Variants in FAAH2 observed in about 807,000 individuals in gnomAD.
FAAH2 encodes fatty acid amide hydrolase 2.
A neutral mutation model predicts 36.9 loss-of-function variants in FAAH2; 60 were observed. The ratio of observed to expected loss-of-function variants is 1.63; its 90% CI spans 1.32 to 2.02. The LOEUF is 2.02. Ranked by LOEUF, FAAH2 falls within the 30% of genes most tolerant of loss-of-function variation. The pLI, the probability that FAAH2 is intolerant of heterozygous loss-of-function variation, is 0.00. For synonymous variants in FAAH2, 214 were observed against 143.8 expected (o/e 1.49, Z -3.49); for missense variants, 689 against 397.5 (o/e 1.73, Z -6.23).
At chrX:57,353,690 T>C (rs1403250466) in intron 5 of FAAH2, among the ~76,000 whole-genome samples, 3 of 110,819 alleles carry the variant, frequency 2.7e-5, no homozygotes, top group Non-Finnish European at 3.8e-5. Context: ...TGGAAGAAAG[T>C]ATTTGCAAAT....
Position 57,468,860 on chromosome X carries a change from T to C in FAAH2, c.1424-19897T>C, listed in dbSNP as rs779828208. 6.3e-5 allele frequency among the ~76,000 whole-genome samples: 7 copies of C among 111,654 alleles called. No homozygotes were observed. In the Admixed American group the frequency reaches 6.7e-4, roughly 11 times the overall value. On this transcript the variant is annotated intron_variant, in intron 10 of 10. Coordinates refer to ENST00000374900, the MANE Select transcript of FAAH2 (RefSeq NM_174912.4). ...GGGCAGCCAGAGAGAAAGGTTGGGTTACCCACAAAAGAAAGCCCATCAGAC... is the reference window on the plus strand; with the variant it reads ...GGGCAGCCAGAGAGAAAGGTTGGGTCACCCACAAAAGAAAGCCCATCAGAC...
At chrX:57,309,843 G>T (rs1027700964) in intron 2 of FAAH2, among the ~76,000 whole-genome samples, 3 of 111,537 alleles carry the variant, frequency 2.7e-5, no homozygotes, top group African/African-American at 9.8e-5. Flanking sequence ...TGAGAATTTG[G>T]GTGGATTCCA....
chrX:57,454,110 C>T (rs1383701948), intron 10 of FAAH2, among the ~76,000 whole-genome samples: 1 of 71,228 alleles, frequency 1.4e-5, no homozygotes, highest in Admixed American at 1.5e-4. Flanking sequence ...GGCCAGAACA[C>T]CGAAGAGCCC....
At chrX:57,324,281 C>T (rs1356759048) in intron 3 of FAAH2, among the ~76,000 whole-genome samples, 2 of 111,907 alleles carry the variant, frequency 1.8e-5, no homozygotes, top group Non-Finnish European at 3.8e-5. Context: ...CATGATGCCT[C>T]CAGCTTTGTT....
chrX:57,485,239 C>G (rs1940914671), intron 10 of FAAH2, among the ~76,000 whole-genome samples: 1 of 111,722 alleles, frequency 9.0e-6, no homozygotes, highest in African/African-American at 3.2e-5. Flanking sequence ...GGCCTCCCTA[C>G]TCTCTCCCTG....
the FAAH2 span, among the ~76,000 whole-genome samples, chrX:57,271,537 G>A: frequency 1.8e-5 from 2 of 112,109 alleles, no homozygotes; most frequent in African/African-American, 6.5e-5. Flanking sequence ...TCTGGAAGGT[G>A]TACCTCTGGG....
the FAAH2 span, among the ~76,000 whole-genome samples, chrX:57,256,401 C>T: frequency 1.8e-5 from 2 of 111,671 alleles, no homozygotes; most frequent in Non-Finnish European, 3.8e-5. Flanking sequence ...TGACTTTCTT[C>T]ACAGAATTTG....
At chrX:57,222,163 A>G in the FAAH2 span, among the ~76,000 whole-genome samples, 1 of 111,259 alleles carries the variant, frequency 9.0e-6, no homozygotes, top group Non-Finnish European at 1.9e-5. Flanking sequence ...CAAACTAAGC[A>G]AAAAAATCTC....
chrX:57,259,824 A>G, the FAAH2 span, among the ~76,000 whole-genome samples: 1 of 112,056 alleles, frequency 8.9e-6, no homozygotes, highest in African/African-American at 3.2e-5. Flanking sequence ...TTTGTTCATT[A>G]TACCTTAACA....
At chrX:57,404,278 C>T (rs2055511819) in intron 7 of FAAH2, among the ~76,000 whole-genome samples, 1 of 112,311 alleles carries the variant, frequency 8.9e-6, no homozygotes, top group Non-Finnish European at 1.9e-5. Context: ...ATAGGGTACA[C>T]TATTTTTTCT....
the FAAH2 span, among the ~76,000 whole-genome samples, chrX:57,133,925 C>CT: frequency 9.0e-6 from 1 of 111,449 alleles, no homozygotes; most frequent in Non-Finnish European, 1.9e-5. Flanking sequence ...TTACCACCTT[C>CT]TTTCAACTCC....
intron 3 of FAAH2, among the ~76,000 whole-genome samples, chrX:57,317,588 T>C (rs1273897134): frequency 9.0e-6 from 1 of 111,522 alleles, no homozygotes; most frequent in Non-Finnish European, 1.9e-5. Flanking sequence ...CACCCCACTG[T>C]CACTATTAGA....
intron 6 of FAAH2, among the ~76,000 whole-genome samples, chrX:57,380,107 T>A (rs1055315178): frequency 9.0e-6 from 1 of 111,401 alleles, no homozygotes; most frequent in African/African-American, 3.3e-5. Flanking sequence ...ATTTATCCTT[T>A]ATGTTATGGA....
At chrX:57,396,707 AATT>A (rs2055309509) in intron 7 of FAAH2, among the ~76,000 whole-genome samples, 1 of 111,916 alleles carries the variant, frequency 8.9e-6, no homozygotes, top group Admixed American at 9.5e-5. Context: ...TACTTGATAT[AATT>A]ATTATTTTTT....
At chrX:57,141,236 G>A in the FAAH2 span, among the ~76,000 whole-genome samples, 1 of 111,710 alleles carries the variant, frequency 9.0e-6, no homozygotes, top group Admixed American at 9.5e-5. Context: ...GATATATCAC[G>A]TTTATTGATT....
Position 57,394,587 on chromosome X carries a change from T to G in FAAH2, c.996+13558T>G, listed in dbSNP as rs2055247658. On this transcript the variant is annotated intron_variant, in intron 7 of 10. Coordinates refer to ENST00000374900, the MANE Select transcript of FAAH2 (RefSeq NM_174912.4). ...AGGAAACGCTTGGCACTCTCTACAG[T>G]GCTCTGCATGAGCATTGCAACCGTC... is the stretch of plus-strand genomic sequence containing the variant. 6 of 1,187,270 alleles carry G rather than the reference T, an allele frequency of 5.1e-6. No homozygotes were observed. In the Admixed American group the frequency reaches 8.7e-5, roughly 17 times the overall value.
At chrX:57,394,258 G>GGCTT (rs1477351626) in intron 7 of FAAH2, 3 of 782,997 alleles carry the variant, frequency 3.8e-6, no homozygotes, top group Non-Finnish European at 5.9e-6. Flanking sequence ...GGGCAAGAAG[G>GGCTT]GCTTGCACCA....
intron 10 of FAAH2, among the ~76,000 whole-genome samples, chrX:57,458,307 T>G (rs1309856926): frequency 8.9e-6 from 1 of 111,796 alleles, no homozygotes; most frequent in East Asian, 2.8e-4. Flanking sequence ...TAAAGTAGAT[T>G]AAATATTTAA....
chrX:57,287,091 G>T, intron 1 of FAAH2, 74 bp downstream of exon 1: 2 of 1,030,992 alleles, frequency 1.9e-6, no homozygotes, highest in South Asian at 2.8e-5. Context: ...TGGTGGCGGT[G>T]GTTGTGGTTT....
Sources: allele counts gnomAD v4.1 joint callset (sites outside exome capture counted in the v4.1 genomes callset), GRCh38; gene constraint gnomAD v4.1.1; transcripts MANE v1.5; gene names NCBI Gene and HGNC (gene_info 2026-07-23, HGNC 2026-07-21).